Variants in PPARGC1A observed in about 807,000 individuals in gnomAD.
The protein encoded by PPARGC1A is peroxisome proliferator-activated receptor gamma coactivator 1-alpha.
PPARGC1A carries 25 observed loss-of-function variants against 88.7 expected under a neutral mutation model. The observed-to-expected ratio is 0.28, with a 90% confidence interval of 0.21 to 0.39. The LOEUF is 0.39. PPARGC1A is among the 10% of genes least tolerant of loss of function. PPARGC1A has a pLI of 1.00. For missense variants in PPARGC1A, 880 were observed against 968.7 expected (o/e 0.91, Z 1.22); for synonymous variants, 363 against 355.6 (o/e 1.02, Z -0.24).
chr4:24,297,885 C>A, the PPARGC1A span, among the ~76,000 whole-genome samples: 2 of 152,106 alleles, frequency 1.3e-5, no homozygotes, highest in Admixed American at 1.3e-4. Context: ...TTGTTGCAAG[C>A]AACAGGATGA....
rs34129331 is a variant in PPARGC1A, at chr4:23,795,830, G to T, written c.2389C>A (p.Arg797Ser). 6.2e-7 allele frequency: 1 copy of T among 1,609,170 alleles called. No individual in the cohort carries two copies. The highest frequency in any genetic ancestry group is 8.5e-7 in the Non-Finnish European group (1 of 1,177,968). ...SLLKEAQRSL[R>S]R ...CTCAGCTAGGGAACATGTTACCTGC[G>T]CAAGCTTCTCTGAGCTTCTTTCAGT... The change falls in exon 13 of 13, where the codon CGC becomes AGC. Residue 797 changes from arginine (R) to serine (S), a missense_variant. Transcript: ENST00000264867.
At chr4:24,217,698 G>A in the PPARGC1A span, among the ~76,000 whole-genome samples, 5 of 152,184 alleles carry the variant, frequency 3.3e-5, no homozygotes, top group Admixed American at 2.0e-4. Flanking sequence ...AGCTACCCAG[G>A]AGGCTGAGGC....
the PPARGC1A span, among the ~76,000 whole-genome samples, chr4:23,932,095 G>A: frequency 2.0e-5 from 3 of 152,150 alleles, no homozygotes; most frequent in Admixed American, 2.0e-4. Context: ...ATAGAAAGAA[G>A]GCAAATCCAT....
chr4:24,417,045 G>A, the PPARGC1A span, among the ~76,000 whole-genome samples: 11 of 150,898 alleles, frequency 7.3e-5, no homozygotes, highest in East Asian at 2.2e-3. Flanking sequence ...AAAAAAAAAG[G>A]GAAAGAGTGG....
chr4:23,965,752 C>G, the PPARGC1A span, among the ~76,000 whole-genome samples: 6 of 152,260 alleles, frequency 3.9e-5, no homozygotes, highest in South Asian at 1.2e-3. Context: ...TCCTGATTCC[C>G]AACCCACTCC....
At chr4:24,365,076 G>T in the PPARGC1A span, among the ~76,000 whole-genome samples, 34 of 151,316 alleles carry the variant, frequency 2.2e-4, no homozygotes, top group Admixed American at 2.2e-3. Context: ...AACCAGATCT[G>T]TTTGAGTCAG....
chr4:24,239,928 T>C, the PPARGC1A span, among the ~76,000 whole-genome samples: 1 of 152,006 alleles, frequency 6.6e-6, no homozygotes. Context: ...TCTCTCTGAC[T>C]CTCCATGTCT....
the PPARGC1A span, among the ~76,000 whole-genome samples, chr4:24,324,910 T>C: frequency 6.6e-6 from 1 of 152,052 alleles, no homozygotes; most frequent in Non-Finnish European, 1.5e-5. Flanking sequence ...CAGCCCAAGC[T>C]AGGTCCCAAT....
chr4:23,892,478 G>A (rs954461579), upstream of PPARGC1A, among the ~76,000 whole-genome samples: 2 of 151,352 alleles, frequency 1.3e-5, no homozygotes, highest in African/African-American at 4.9e-5. Flanking sequence ...TGTAATGAGA[G>A]GGATGTTTTA....
chr4:24,303,837 CAG>C, the PPARGC1A span, among the ~76,000 whole-genome samples: 1 of 152,120 alleles, frequency 6.6e-6, no homozygotes, highest in African/African-American at 2.4e-5. Context: ...CCTTTTAAAC[CAG>C]AGACTCTCCA....
the PPARGC1A span, among the ~76,000 whole-genome samples, chr4:24,062,474 T>C: frequency 9.2e-5 from 14 of 152,204 alleles, no homozygotes; most frequent in Non-Finnish European, 1.8e-4. Flanking sequence ...ATGAATCATC[T>C]CTTCCACTGT....
At chr4:24,169,724 G>A in the PPARGC1A span, among the ~76,000 whole-genome samples, 1 of 152,028 alleles carries the variant, frequency 6.6e-6, no homozygotes, top group Non-Finnish European at 1.5e-5. Context: ...ATAAAAATTA[G>A]GGAACATTGT....
chr4:24,392,520 A>G, the PPARGC1A span, among the ~76,000 whole-genome samples: 3 of 152,202 alleles, frequency 2.0e-5, no homozygotes, highest in Admixed American at 1.3e-4. Flanking sequence ...TCAGGCGATA[A>G]AAGGTATGTT....
chr4:23,897,887 G>A (rs13127297), intron 1 of PPARGC1A, among the ~76,000 whole-genome samples: 65,113 of 151,990 alleles, frequency 0.43, 14,300 homozygotes, highest in Middle Eastern at 0.59. Context: ...AAAGTAGCAC[G>A]AGTCATATGT....
At chr4:24,451,812 G>A in the PPARGC1A span, among the ~76,000 whole-genome samples, 14 of 152,082 alleles carry the variant, frequency 9.2e-5, no homozygotes, top group Admixed American at 1.3e-4. Context: ...TCTTGACCTC[G>A]CAATCTGCCC....
At chr4:23,807,041 C>CT (rs1223562296) in intron 10 of PPARGC1A, among the ~76,000 whole-genome samples, 2 of 152,092 alleles carry the variant, frequency 1.3e-5, no homozygotes, top group Admixed American at 6.5e-5. Context: ...ATGTAAAAAT[C>CT]TTTTTTTCTA....
At chr4:24,194,632 A>ACGCGCGCGCGCG in the PPARGC1A span, among the ~76,000 whole-genome samples, 38 of 15,524 alleles carry the variant, frequency 2.4e-3, no homozygotes, top group African/African-American at 5.6e-3. Flanking sequence ...ACGCGCGCGC[A>ACGCGCGCGCGCG]CACACACACA....
At chr4:23,858,373 T>G (rs1730587644) in intron 2 of PPARGC1A, among the ~76,000 whole-genome samples, 1 of 152,248 alleles carries the variant, frequency 6.6e-6, no homozygotes, top group Middle Eastern at 3.4e-3. Flanking sequence ...AATGAATAAA[T>G]AACCCTGAGG....
chr4:24,296,433 A>C, the PPARGC1A span, among the ~76,000 whole-genome samples: 2 of 152,130 alleles, frequency 1.3e-5, no homozygotes, highest in Non-Finnish European at 2.9e-5. Context: ...CCCTATCTCC[A>C]AAGAACTTAG....
Sources: allele counts gnomAD v4.1 joint callset (sites outside exome capture counted in the v4.1 genomes callset), GRCh38; gene constraint gnomAD v4.1.1; transcripts MANE v1.5; gene names NCBI Gene and HGNC (gene_info 2026-07-23, HGNC 2026-07-21).